ZNF92: variants seen among roughly 807,000 people sequenced by gnomAD.
ZNF92 encodes the protein zinc finger protein 92, also known as epididymis luminal protein 203.
A neutral mutation model predicts 12.4 loss-of-function variants in ZNF92; 11 were observed. The ratio of observed to expected loss-of-function variants is 0.89; its 90% CI spans 0.56 to 1.47. The LOEUF is 1.47. Among genes scored for constraint, ZNF92 ranks in the 40% most tolerant of loss-of-function variants. The pLI, the probability that ZNF92 is intolerant of heterozygous loss-of-function variation, is 0.00. For missense variants in ZNF92, 622 were observed against 681.0 expected, an observed-to-expected ratio of 0.91 and a Z score of 0.96; for synonymous variants, 206 against 228.6, an observed-to-expected ratio of 0.90 and a Z score of 0.89.
chr7:65,382,154 C>A (rs1793436717), intron 1 of ZNF92, among the ~76,000 whole-genome samples: 1 of 152,002 alleles, frequency 6.6e-6, no homozygotes, highest in Admixed American at 6.6e-5. Flanking sequence ...TTAGGATGAA[C>A]TATGTATAAC....
At chr7:65,388,125 A>C in intron 2 of ZNF92, 97 bp downstream of exon 2, 1 of 1,334,716 alleles carries the variant, frequency 7.5e-7, no homozygotes, top group Non-Finnish European at 1.0e-6. Flanking sequence ...TGCATAAATG[A>C]GTTTCAGATC....
At chr7:65,395,140 C>T (rs1584289573) in intron 3 of ZNF92, among the ~76,000 whole-genome samples, 1 of 152,090 alleles carries the variant, frequency 6.6e-6, no homozygotes, top group East Asian at 1.9e-4. Context: ...ACTGCAGCCT[C>T]AGTCTCCTGT....
At chr7:65,388,126 G>GTT in intron 2 of ZNF92, 98 bp downstream of exon 2, 1 of 1,307,386 alleles carries the variant, frequency 7.6e-7, no homozygotes, top group Non-Finnish European at 1.0e-6. Flanking sequence ...GCATAAATGA[G>GTT]TTTCAGATCC....
At chr7:65,375,908 GTA>G (rs1441444872) in intron 1 of ZNF92, among the ~76,000 whole-genome samples, 1 of 151,866 alleles carries the variant, frequency 6.6e-6, no homozygotes, top group Non-Finnish European at 1.5e-5. Flanking sequence ...TACACCTGGG[GTA>G]TAGTGTCTTC....
chr7:65,399,286 A>G lies in ZNF92; in HGVS notation c.1172A>G (p.His391Arg), dbSNP rs1355472169. Residue 391 changes from histidine to arginine, a missense_variant, in exon 4 of 4, where the codon CAT becomes CGT. Coordinates refer to ENST00000328747, the MANE Select transcript of ZNF92 (RefSeq NM_152626.4). ...SSTLTKHKRI[H>R]TGEKPYKCEE... ...ACCCTTACTAAACATAAAAGAATTC[A>G]TACGGGAGAAAAACCCTACAAATGT... is the stretch of plus-strand genomic sequence containing the variant. 1 of 1,612,650 alleles carries G rather than the reference A, an allele frequency of 6.2e-7. No homozygotes were observed. Among genetic ancestry groups the G allele is most frequent in the Non-Finnish European group, 8.5e-7 (1 of 1,179,314 alleles).
chr7:65,394,679 C>T (rs958384994), intron 3 of ZNF92, among the ~76,000 whole-genome samples: 2 of 152,030 alleles, frequency 1.3e-5, no homozygotes, highest in South Asian at 2.1e-4. Flanking sequence ...GACGTTGTTT[C>T]GCTCTTGTTG....
intron 1 of ZNF92, among the ~76,000 whole-genome samples, chr7:65,385,252 C>T (rs1793530861): frequency 6.6e-6 from 1 of 152,104 alleles, no homozygotes; most frequent in African/African-American, 2.4e-5. Context: ...GATTTATAAG[C>T]TTATCAGTGC....
In ZNF92 at chr7:65,399,102, A is replaced by C. The variant is rs1380546186; in HGVS notation, c.988A>C (p.Lys330Gln). 8 of 1,612,608 alleles carry C rather than the reference A, an allele frequency of 5.0e-6. No individual in the cohort carries two copies. Among genetic ancestry groups the C allele is most frequent in the African/African-American group, 1.3e-5 (1 of 74,808 alleles). ...KAFRVFSILKKHKIIHTGEKP... is the reference protein window; with the variant it reads ...KAFRVFSILKQHKIIHTGEKP... ...CTTTAGAGTATTCTCAATTCTTAAA[A>C]AACATAAGATAATCCATACTGGGGA... Residue 330 changes from lysine to glutamine, a missense_variant, in exon 4 of 4, where the codon AAA becomes CAA. Physicochemically the swap from Lys to Gln is moderately conservative, Grantham distance 53. Transcript: ENST00000328747.
At chr7:65,380,269 T>C (rs1450694945) in intron 1 of ZNF92, among the ~76,000 whole-genome samples, 1 of 152,100 alleles carries the variant, frequency 6.6e-6, no homozygotes. Flanking sequence ...CTTTATTTTA[T>C]TTATTTCTGA....
chr7:65,381,338 A>G (rs907337599), intron 1 of ZNF92, among the ~76,000 whole-genome samples: 4 of 149,948 alleles, frequency 2.7e-5, no homozygotes, highest in African/African-American at 7.5e-5. Flanking sequence ...GCGTGTGTTT[A>G]TGTCCTTTGC....
rs547912452 is a variant in ZNF92 at position 65,388,727 on chromosome 7, C to T, written c.131-79C>T. On this transcript the variant is annotated intron_variant, in intron 2 of 3. Coordinates refer to ENST00000328747, the MANE Select transcript of ZNF92 (RefSeq NM_152626.4). ...AATTTACTAGATTAATCTATTGCAT[C>T]CTCTTTACTGAGCATATTACTATGT... 179 of 1,122,142 alleles carry T rather than the reference C, an allele frequency of 1.6e-4. 1 individual carries two copies. In the East Asian group the frequency reaches 5.5e-3, roughly 35 times the overall value. The allele number at this position is 1,122,142 out of a possible 1,614,324, so 69.5% of individuals were successfully genotyped here. A position where few individuals can be genotyped will look rare whatever the true frequency, so the allele number is the denominator to read the frequency against.
chr7:65,388,136 C>G, intron 2 of ZNF92, 108 bp downstream of exon 2: 1 of 1,255,806 alleles, frequency 8.0e-7, no homozygotes, highest in South Asian at 1.4e-5. Context: ...GTTTCAGATC[C>G]CAGTTTTCAA....
chr7:65,393,357 A>G (rs796304797), intron 3 of ZNF92, among the ~76,000 whole-genome samples: 1 of 149,528 alleles, frequency 6.7e-6, no homozygotes, highest in Admixed American at 6.7e-5. Flanking sequence ...TAAGGCTGAA[A>G]AATATTCCAC....
chr7:65,381,082 C>T (rs547550250), intron 1 of ZNF92, among the ~76,000 whole-genome samples: 5 of 151,908 alleles, frequency 3.3e-5, no homozygotes, highest in Non-Finnish European at 4.4e-5. Context: ...GGCACGATCT[C>T]GGCTCACTGC....
At chr7:65,388,529 T>G (rs953389667) in intron 2 of ZNF92, among the ~76,000 whole-genome samples, 1 of 151,652 alleles carries the variant, frequency 6.6e-6, no homozygotes, top group Admixed American at 6.6e-5. Context: ...ATCCAACTAC[T>G]CAGGAGGCTG....
At chr7:65,382,450 A>G (rs1374387861) in intron 1 of ZNF92, among the ~76,000 whole-genome samples, 4 of 152,022 alleles carry the variant, frequency 2.6e-5, no homozygotes, top group African/African-American at 4.8e-5. Context: ...CTTCCAGTCA[A>G]CTCATGATTG....
chr7:65,379,045 T>G (rs574026670), intron 1 of ZNF92, among the ~76,000 whole-genome samples: 1 of 148,472 alleles, frequency 6.7e-6, no homozygotes, highest in African/African-American at 2.6e-5. Context: ...GTATCATTTA[T>G]AATAAACTGG....
rs1562800542 is a variant in ZNF92, at chr7:65,400,038, T to G, written c.*163T>G. 2 of 636,720 alleles carry G rather than the reference T, an allele frequency of 3.1e-6. No individual in the cohort carries two copies. The highest frequency in any genetic ancestry group is 2.9e-5 in the South Asian group (1 of 34,976). 39.4% of individuals were successfully genotyped at this position (636,720 alleles called of 1,614,324 possible). A position where few individuals can be genotyped will look rare whatever the true frequency, so the allele number is the denominator to read the frequency against. ...AGAAAAATCCTCCAAGTATGAAGAA[T>G]GTGGCAAACTTTTAACCAATCCTCA... is the stretch of plus-strand genomic sequence containing the variant. On this transcript the variant is annotated 3_prime_UTR_variant, in exon 4 of 4. Coordinates refer to ENST00000328747, the MANE Select transcript of ZNF92 (RefSeq NM_152626.4).
rs759907089 is a variant in ZNF92, at chr7:65,398,397, T to A, written c.283T>A (p.Phe95Ile). ...VWPEHSIKDS[F>I]QKVILRTYGK... ...GCCAGAGCACAGCATAAAAGATTCT[T>A]TCCAAAAAGTGATACTGAGAACATA... Residue 95 changes from phenylalanine to isoleucine, a missense_variant, in exon 4 of 4, where the codon TTC becomes ATC. By Grantham distance (21) the Phe-to-Ile change is conservative (BLOSUM62 0). Coordinates refer to ENST00000328747, the MANE Select transcript of ZNF92 (RefSeq NM_152626.4). The A allele has an allele frequency of 1.9e-6, 3 of 1,605,854 alleles. No individual in the cohort carries two copies. Among genetic ancestry groups the A allele is most frequent in the Admixed American group, 3.5e-5 (2 of 57,414 alleles).
Sources: allele counts gnomAD v4.1 joint callset (sites outside exome capture counted in the v4.1 genomes callset), GRCh38; gene constraint gnomAD v4.1.1; transcripts MANE v1.5; gene names NCBI Gene and HGNC (gene_info 2026-07-23, HGNC 2026-07-21).